Variants in CLSTN2 observed in about 807,000 individuals in gnomAD.
CLSTN2 encodes the protein calsyntenin 2, also known as calsyntenin-2.
In CLSTN2, 48 loss-of-function variants were observed where a neutral mutation model predicts 101.2. The ratio of observed to expected loss-of-function variants is 0.47; its 90% confidence interval spans 0.38 to 0.60. The LOEUF (loss-of-function observed/expected upper bound fraction) is 0.60. Ranked by LOEUF, CLSTN2 falls within the 20% of genes least tolerant of loss-of-function variation. The pLI, the probability that CLSTN2 is intolerant of heterozygous loss-of-function variation, is 0.00. For synonymous variants in CLSTN2, 481 were observed against 463.6 expected, an observed-to-expected ratio of 1.04 and a Z score of -0.48; for missense variants, 1,160 against 1,238.2, an observed-to-expected ratio of 0.94 and a Z score of 0.95.
chr3:139,938,921 C>T (rs917931627), intron 1 of CLSTN2, among the ~76,000 whole-genome samples: 3 of 152,014 alleles, frequency 2.0e-5, no homozygotes, highest in Admixed American at 2.0e-4. Flanking sequence ...ACCCTCCACC[C>T]CTCCCACCCC....
intron 1 of CLSTN2, among the ~76,000 whole-genome samples, chr3:139,953,271 C>A (rs1163373436): frequency 6.6e-6 from 1 of 152,106 alleles, no homozygotes; most frequent in Non-Finnish European, 1.5e-5. Flanking sequence ...AGATCCTCTC[C>A]CCTACAGGAT....
chr3:140,087,069 A>G (rs1299551631), intron 1 of CLSTN2, among the ~76,000 whole-genome samples: 1 of 152,180 alleles, frequency 6.6e-6, no homozygotes, highest in Non-Finnish European at 1.5e-5. Context: ...AGGTGGTTTG[A>G]AGACCTTTTG....
At chr3:140,356,577 G>A (rs2087672280) in intron 2 of CLSTN2, among the ~76,000 whole-genome samples, 1 of 151,938 alleles carries the variant, frequency 6.6e-6, no homozygotes. Flanking sequence ...GACCAACATG[G>A]TGAAGCCCTG....
At chr3:140,348,525 G>T (rs2107940998) in intron 2 of CLSTN2, among the ~76,000 whole-genome samples, 1 of 151,968 alleles carries the variant, frequency 6.6e-6, no homozygotes. Context: ...CTCTCCCAAG[G>T]GTATCTGCTA....
Position 140,393,729 on chromosome 3 carries a change from T to G in CLSTN2, c.233-9900T>G, listed in dbSNP as rs190042390. Among the ~76,000 whole-genome samples, 356 of 152,318 alleles carry G rather than the reference T, an allele frequency of 2.3e-3. 1 individual carries two copies. In the Middle Eastern group the frequency reaches 0.024, roughly 10 times the overall value. ...TGACTAATGTATCACCTGAGAGCTGTGGGCAAATGAGATCCCTTCCTTGTT... is the reference window on the plus strand; with the variant it reads ...TGACTAATGTATCACCTGAGAGCTGGGGGCAAATGAGATCCCTTCCTTGTT... On this transcript the variant is annotated intron_variant, in intron 2 of 16. Coordinates refer to ENST00000458420, the MANE Select transcript of CLSTN2 (RefSeq NM_022131.3).
At chr3:140,038,011 G>A (rs2007691953) in intron 1 of CLSTN2, among the ~76,000 whole-genome samples, 1 of 152,116 alleles carries the variant, frequency 6.6e-6, no homozygotes, top group Non-Finnish European at 1.5e-5. Context: ...GAACATACAC[G>A]TGCAAGTATC....
intron 1 of CLSTN2, among the ~76,000 whole-genome samples, chr3:140,033,133 A>G (rs558904636): frequency 6.6e-6 from 1 of 152,342 alleles, no homozygotes; most frequent in East Asian, 1.9e-4. Flanking sequence ...AAATAGGAGG[A>G]CTGACACGTA....
intron 2 of CLSTN2, among the ~76,000 whole-genome samples, chr3:140,228,625 A>G (rs2086344038): frequency 6.6e-6 from 1 of 152,204 alleles, no homozygotes; most frequent in Non-Finnish European, 1.5e-5. Flanking sequence ...CTGCTGATAA[A>G]GATATACCAG....
chr3:140,090,785 A>C (rs2008768035), intron 1 of CLSTN2, among the ~76,000 whole-genome samples: 1 of 152,160 alleles, frequency 6.6e-6, no homozygotes, highest in Non-Finnish European at 1.5e-5. Context: ...CAAGACTCAG[A>C]AGCAGGCTGG....
intron 8 of CLSTN2, among the ~76,000 whole-genome samples, chr3:140,497,096 G>A (rs1157102812): frequency 8.1e-6 from 1 of 122,804 alleles, no homozygotes; most frequent in Non-Finnish European, 1.6e-5. Flanking sequence ...GCGAGACTCC[G>A]TCTCAAAAAA....
At chr3:140,245,269 G>A (rs1358083368) in intron 2 of CLSTN2, among the ~76,000 whole-genome samples, 1 of 152,184 alleles carries the variant, frequency 6.6e-6, no homozygotes, top group Non-Finnish European at 1.5e-5. Context: ...ATAGATATAA[G>A]TTCCAGGGTG....
chr3:140,311,542 C>T lies in CLSTN2; in HGVS notation c.233-92087C>T, dbSNP rs547133331. ...GGCCAGGCTGTTCTTGAAATCCTGA[C>T]TTCAAGTGACCTGCCTGCCTCCCAA... is the stretch of plus-strand genomic sequence containing the variant. On this transcript the variant is annotated intron_variant, in intron 2 of 16. Coordinates refer to ENST00000458420, the MANE Select transcript of CLSTN2 (RefSeq NM_022131.3). 5.3e-5 allele frequency among the ~76,000 whole-genome samples: 8 copies of T among 150,358 alleles called. No individual in the cohort carries two copies. In the East Asian group the frequency reaches 1.6e-3, roughly 30 times the overall value.
chr3:140,276,747 C>T (rs2086798229), intron 2 of CLSTN2, among the ~76,000 whole-genome samples: 1 of 152,190 alleles, frequency 6.6e-6, no homozygotes, highest in Non-Finnish European at 1.5e-5. Flanking sequence ...CCTTGGAAAA[C>T]TAGTATGGTT....
In CLSTN2 at chr3:140,368,233, T is replaced by G. The variant is rs1199826226; in HGVS notation, c.233-35396T>G. Among the ~76,000 whole-genome samples the G allele has an allele frequency of 3.3e-5, 5 of 152,190 alleles. No homozygotes were observed. In the South Asian group the frequency reaches 8.3e-4, roughly 25 times the overall value. ...ACTAGTGGCAAGTTTTATGAATCTG[T>G]GTGCCCCCCAGAGCACTCCACGTGC... is the stretch of plus-strand genomic sequence containing the variant. On this transcript the variant is annotated intron_variant, in intron 2 of 16. Coordinates refer to ENST00000458420, the MANE Select transcript of CLSTN2 (RefSeq NM_022131.3).
At chr3:140,349,014 A>G (rs1024940920) in intron 2 of CLSTN2, among the ~76,000 whole-genome samples, 1 of 152,158 alleles carries the variant, frequency 6.6e-6, no homozygotes, top group Non-Finnish European at 1.5e-5. Flanking sequence ...TAACCCCCAC[A>G]TGTTGCAAGA....
chr3:139,955,138 A>ATATATATATATATATATATC, intron 1 of CLSTN2, among the ~76,000 whole-genome samples: 1 of 141,070 alleles, frequency 7.1e-6, no homozygotes, highest in Non-Finnish European at 1.5e-5. Flanking sequence ...ATATATATAT[A>ATATATATATATATATATATC]TGGCAATTCC....
chr3:140,299,998 T>G (rs2087043086), intron 2 of CLSTN2, among the ~76,000 whole-genome samples: 1 of 152,170 alleles, frequency 6.6e-6, no homozygotes, highest in Non-Finnish European at 1.5e-5. Context: ...ATGAAAAGAA[T>G]AACTTCCGAA....
intron 12 of CLSTN2, among the ~76,000 whole-genome samples, chr3:140,560,062 C>T (rs543324861): frequency 6.6e-6 from 1 of 152,280 alleles, no homozygotes; most frequent in African/African-American, 2.4e-5. Flanking sequence ...CATCTGACAC[C>T]AGCATACAGG....
At chr3:140,319,868 G>A (rs900873421) in intron 2 of CLSTN2, among the ~76,000 whole-genome samples, 1 of 152,238 alleles carries the variant, frequency 6.6e-6, no homozygotes, top group African/African-American at 2.4e-5. Context: ...TGGAGAAGTG[G>A]CAACTCAGTC....
Sources: allele counts gnomAD v4.1 joint callset (sites outside exome capture counted in the v4.1 genomes callset), GRCh38; gene constraint gnomAD v4.1.1; transcripts MANE v1.5; gene names NCBI Gene and HGNC (gene_info 2026-07-23, HGNC 2026-07-21).